The following PCDHGA4 variants were observed in gnomAD, a reference collection of about 807,000 sequenced individuals.
PCDHGA4 encodes the protein protocadherin gamma subfamily A, 4.
PCDHGA4 carries 38 observed loss-of-function variants against 54.6 expected under a neutral mutation model. That is an observed-to-expected ratio of 0.70 (90% CI 0.54 to 0.91). PCDHGA4 has a LOEUF of 0.91. Ranked by LOEUF, PCDHGA4 falls within the 40% of genes least tolerant of loss-of-function variation. PCDHGA4 has a pLI of 0.00. For synonymous variants in PCDHGA4, 511 were observed against 512.9 expected (o/e 1.00, Z 0.05); for missense variants, 1,298 against 1,220.9 (o/e 1.06, Z -0.94).
chr5:141,405,553 T>G, intron 1 of PCDHGA4: 1 of 619,004 alleles, frequency 1.6e-6, no homozygotes, highest in Non-Finnish European at 2.8e-6. Flanking sequence ...CCAAGTAGAG[T>G]AGCTGGGACT....
intron 1 of PCDHGA4, chr5:141,385,631 G>A (rs539938751): frequency 7.4e-6 from 7 of 947,722 alleles, no homozygotes; most frequent in Middle Eastern, 4.4e-4. Flanking sequence ...GGAATGAATC[G>A]AGTCTTTCAT....
At chr5:141,428,455 T>C (rs898393760) in intron 1 of PCDHGA4, 61 of 361,572 alleles carry the variant, frequency 1.7e-4, no homozygotes, top group African/African-American at 1.2e-3. Context: ...TTTTCCCAAC[T>C]ACAATGAGGG....
At chr5:141,414,472 A>C (rs1039987036) in intron 1 of PCDHGA4, 5 of 1,613,796 alleles carry the variant, frequency 3.1e-6, no homozygotes, top group African/African-American at 1.3e-5. Flanking sequence ...AGATGGGGGA[A>C]GTCCTCCTCT....
chr5:141,492,487 C>T (rs1031047955), intron 1 of PCDHGA4, among the ~76,000 whole-genome samples: 1 of 152,222 alleles, frequency 6.6e-6, no homozygotes, highest in Non-Finnish European at 1.5e-5. Context: ...CGCCCAGGAC[C>T]AGGCGAGGAC....
chr5:141,421,572 G>T, intron 1 of PCDHGA4: 1 of 1,613,954 alleles, frequency 6.2e-7, no homozygotes, highest in Admixed American at 1.7e-5. Flanking sequence ...AAGACACCTT[G>T]AAGATTTACG....
rs1236813956 is a variant in PCDHGA4, at chr5:141,480,634, TTTCAAAC to T, written c.2515-14170_2515-14164del. On this transcript the variant is annotated intron_variant, in intron 1 of 3. Transcript: ENST00000571252. The stretch of plus-strand genomic sequence containing the variant: ...ACTGGCATTTTCCCTAGAACAATGT[TTTCAAAC>T]TTGGTTGCACATTAAAATCACCTAG... Among the ~76,000 whole-genome samples the T allele has an allele frequency of 3.9e-5, 6 of 152,332 alleles. No individual in the cohort carries two copies. In the East Asian group the frequency reaches 1.2e-3, roughly 29 times the overall value.
chr5:141,505,621 A>G (rs1170133157), intron 3 of PCDHGA4, 140 bp downstream of exon 3: 5 of 1,495,758 alleles, frequency 3.3e-6, no homozygotes, highest in South Asian at 2.6e-5. Context: ...AGGACCCACA[A>G]TTCCAAACAT....
At position 141,432,834 on chromosome 5, in the gene PCDHGA4, A is replaced by G; in HGVS notation, c.2515-61973A>G. 6.2e-7 allele frequency: 1 copy of G among 1,614,082 alleles called. No homozygotes were observed. The highest frequency in any genetic ancestry group is 8.5e-7 in the Non-Finnish European group (1 of 1,179,978). ...TCTGAAACCTCAGACCTCACTCTGTACCTGGTGGTAGCGGTGGCCGCGGTC... is the reference window on the plus strand; with the variant it reads ...TCTGAAACCTCAGACCTCACTCTGTGCCTGGTGGTAGCGGTGGCCGCGGTC... On this transcript the variant is annotated intron_variant, in intron 1 of 3. Transcript: ENST00000571252. This position sits in a 1 kb window ranked among gnomAD's most constrained non-coding sequence, Gnocchi z 6.0.
rs376452870 is a variant in PCDHGA4 at position 141,423,273 on chromosome 5, G to A, written c.2514+65652G>A. 34 of 1,613,778 alleles carry A rather than the reference G, an allele frequency of 2.1e-5. No homozygotes were observed. In the African/African-American group the frequency reaches 4.4e-4, roughly 21 times the overall value. Reference sequence around the variant, plus strand: ...CGGACCTCGGCAGCCTCGAGTCTCTGGCTAACTCTGAAACCTCAGACCTCT... The same window carrying A: ...CGGACCTCGGCAGCCTCGAGTCTCTAGCTAACTCTGAAACCTCAGACCTCT... On this transcript the variant is annotated intron_variant, in intron 1 of 3. Coordinates refer to ENST00000571252, the MANE Select transcript of PCDHGA4 (RefSeq NM_018917.4).
chr5:141,501,508 C>A (rs1378333182), intron 2 of PCDHGA4, among the ~76,000 whole-genome samples: 1 of 151,960 alleles, frequency 6.6e-6, no homozygotes, highest in Non-Finnish European at 1.5e-5. Flanking sequence ...GGCTCCAAGG[C>A]CTCCAAGCTG....
Position 141,485,094 on chromosome 5 carries a change from C to A in PCDHGA4, c.2515-9713C>A. ...GGCGCGGGGAAAGGGAGATAGGTGT[C>A]TCCAGCTGCTGTGGCTGTTTGGGGC... On this transcript the variant is annotated intron_variant, in intron 1 of 3. Coordinates refer to ENST00000571252, the MANE Select transcript of PCDHGA4 (RefSeq NM_018917.4). The surrounding 1 kb of genome is among the most constrained non-coding windows in gnomAD (Gnocchi z 5.7). 9.1e-7 allele frequency: 1 copy of A among 1,100,766 alleles called. No individual in the cohort carries two copies. Among genetic ancestry groups the A allele is most frequent in the Non-Finnish European group, 1.4e-6 (1 of 736,922 alleles). The allele number at this position is 1,100,766 out of a possible 1,614,324, so 68.2% of individuals were successfully genotyped here. A position where few individuals can be genotyped will look rare whatever the true frequency, so the allele number is the denominator to read the frequency against.
intron 1 of PCDHGA4, among the ~76,000 whole-genome samples, chr5:141,449,177 G>T (rs2098631167): frequency 6.6e-6 from 1 of 152,028 alleles, no homozygotes. Flanking sequence ...AATTTTCTTA[G>T]GTATTTTCAC....
intron 1 of PCDHGA4, chr5:141,375,618 G>A (rs1771662447): frequency 6.2e-7 from 1 of 1,614,078 alleles, no homozygotes; most frequent in Non-Finnish European, 8.5e-7. Context: ...TCCGACACTG[G>A]GATTCTGTAC....
At chr5:141,433,364 T>C (rs1246641841) in intron 1 of PCDHGA4, 1 of 524,614 alleles carries the variant, frequency 1.9e-6, no homozygotes, top group Admixed American at 3.5e-5. Context: ...TCTGCCTATC[T>C]ATCTATCTAT....
At chr5:141,435,004 A>G (rs1481428383) in intron 1 of PCDHGA4, among the ~76,000 whole-genome samples, 1 of 152,096 alleles carries the variant, frequency 6.6e-6, no homozygotes, top group Non-Finnish European at 1.5e-5. Flanking sequence ...AGCTGAATTT[A>G]TCAATGATAA....
chr5:141,384,492 A>G, intron 1 of PCDHGA4: 1 of 1,614,164 alleles, frequency 6.2e-7, no homozygotes, highest in South Asian at 1.1e-5. Flanking sequence ...TACAACTAAG[A>G]GTGACTGCAC....
rs191188858 is a variant in PCDHGA4, at chr5:141,472,077, A to G, written c.2515-22730A>G. On this transcript the variant is annotated intron_variant, in intron 1 of 3. Transcript: ENST00000571252. ...GATTGACATGTCTGTGGTTATATCA[A>G]TGAGTACTATTATTATTCCCATTTT... 2.4e-3 allele frequency among the ~76,000 whole-genome samples: 365 copies of G among 152,346 alleles called. 2 individuals carry two copies. Among genetic ancestry groups the G allele is most frequent in the African/African-American group, 8.4e-3 (351 of 41,580 alleles).
chr5:141,453,021 A>G (rs1008711775), intron 1 of PCDHGA4, among the ~76,000 whole-genome samples: 1 of 152,200 alleles, frequency 6.6e-6, no homozygotes, highest in Non-Finnish European at 1.5e-5. Context: ...TATGTGATTC[A>G]TTAAAATAAA....
Position 141,356,669 on chromosome 5 carries a change from C to T in PCDHGA4, c.1562C>T (p.Ser521Phe). Residue 521 changes from serine to phenylalanine, a missense_variant, in exon 1 of 4, where the codon TCC becomes TTC. Transcript: ENST00000571252. The part of the protein sequence containing the change: ...DSGDNARITY[S>F]LAEDTFQGAP... ...GGTGACAATGCCCGAATCACTTACT[C>T]CCTGGCCGAAGACACCTTCCAGGGT... is the stretch of plus-strand genomic sequence containing the variant. The T allele has an allele frequency of 6.2e-7, 1 of 1,614,006 alleles. No individual in the cohort carries two copies.
Sources: gnomAD v4.1 joint callset for allele counts (sites outside exome capture counted in the v4.1 genomes callset) on GRCh38, gnomAD v4.1.1 for gene constraint, Gnocchi (gnomAD v3.1) non-coding constraint, MANE v1.5 for transcripts, NCBI Gene and HGNC (gene_info 2026-07-23, HGNC 2026-07-21) for gene names.